RALYL: variants seen among roughly 807,000 people sequenced by gnomAD.
RALYL encodes the protein RALY RNA binding protein like, also known as RNA-binding Raly-like protein.
A neutral mutation model predicts 35.1 loss-of-function variants in RALYL; 29 were observed. The observed-to-expected ratio is 0.83, with a 90% CI of 0.61 to 1.13. The LOEUF (loss-of-function observed/expected upper bound fraction) is 1.13, where lower values mean the gene tolerates loss of function less well. RALYL is among the 50% of genes most tolerant of loss of function. The probability of loss-of-function intolerance (pLI) is 0.00; values close to 1 mark genes in which losing one functional copy is unlikely to be tolerated. For synonymous variants in RALYL, 120 were observed against 127.6 expected (o/e 0.94, Z 0.40); for missense variants, 359 against 360.4 (o/e 1.00, Z 0.03).
chr8:84,703,895 T>C (rs532103881), intron 2 of RALYL, among the ~76,000 whole-genome samples: 1 of 152,280 alleles, frequency 6.6e-6, no homozygotes, highest in African/African-American at 2.4e-5. Context: ...TTAAAATACA[T>C]CATTAGATCT....
intron 1 of RALYL, among the ~76,000 whole-genome samples, chr8:84,525,960 T>C (rs1438100538): frequency 2.3e-4 from 29 of 127,724 alleles, no homozygotes; most frequent in African/African-American, 7.4e-4. Flanking sequence ...TTTCTTTTTT[T>C]TTTTTTTTTT....
At chr8:84,920,109 T>C (rs1563870079) in intron 8 of RALYL, among the ~76,000 whole-genome samples, 1 of 152,114 alleles carries the variant, frequency 6.6e-6, no homozygotes, top group African/African-American at 2.4e-5. Flanking sequence ...TCCCATCTGA[T>C]ACCTTGATTT....
intron 2 of RALYL, among the ~76,000 whole-genome samples, chr8:84,578,701 G>T (rs1351178271): frequency 6.6e-6 from 1 of 152,076 alleles, no homozygotes; most frequent in East Asian, 1.9e-4. Flanking sequence ...AGCTCTCAGT[G>T]GAGAGATGAA....
At chr8:84,257,392 T>G (rs1324684683) in intron 1 of RALYL, among the ~76,000 whole-genome samples, 1 of 152,108 alleles carries the variant, frequency 6.6e-6, no homozygotes, top group Non-Finnish European at 1.5e-5. Flanking sequence ...TTTGACTACT[T>G]AAATTCCAGT....
At chr8:84,393,022 A>T (rs1861049223) in intron 1 of RALYL, among the ~76,000 whole-genome samples, 1 of 152,100 alleles carries the variant, frequency 6.6e-6, no homozygotes, top group South Asian at 2.1e-4. Context: ...GTCTTTGCCT[A>T]AAGGAAGTGT....
intron 7 of RALYL, among the ~76,000 whole-genome samples, chr8:84,879,108 G>A (rs1429280819): frequency 1.3e-5 from 2 of 152,082 alleles, no homozygotes; most frequent in Non-Finnish European, 2.9e-5. Context: ...GAATTCTCAA[G>A]ATAGAGGTAA....
chr8:84,405,307 A>C (rs893823509), intron 1 of RALYL, among the ~76,000 whole-genome samples: 1 of 152,216 alleles, frequency 6.6e-6, no homozygotes, highest in Non-Finnish European at 1.5e-5. Flanking sequence ...GAACTAGAGA[A>C]GCAAGAGTAA....
intron 1 of RALYL, among the ~76,000 whole-genome samples, chr8:84,314,881 G>A (rs1843451057): frequency 6.6e-6 from 1 of 152,148 alleles, no homozygotes; most frequent in East Asian, 1.9e-4. Context: ...AGAAAAATAG[G>A]CTGGAGATCT....
intron 1 of RALYL, among the ~76,000 whole-genome samples, chr8:84,222,508 T>G (rs182744284): frequency 6.6e-6 from 1 of 152,280 alleles, no homozygotes; most frequent in Non-Finnish European, 1.5e-5. Flanking sequence ...GATCACAGAC[T>G]TCTAGGAGGG....
chr8:84,447,042 T>C (rs769133837), intron 1 of RALYL, among the ~76,000 whole-genome samples: 9 of 152,008 alleles, frequency 5.9e-5, no homozygotes, highest in Non-Finnish European at 1.3e-4. Context: ...AGTTCAGGAG[T>C]TCCCCTTTCC....
intron 2 of RALYL, among the ~76,000 whole-genome samples, chr8:84,571,866 T>C (rs1808080750): frequency 6.6e-6 from 1 of 151,892 alleles, no homozygotes; most frequent in Admixed American, 6.6e-5. Context: ...TTTCTTTATT[T>C]ACCCAAAAGC....
chr8:84,552,077 A>G (rs1229867493), intron 2 of RALYL, among the ~76,000 whole-genome samples: 1 of 151,714 alleles, frequency 6.6e-6, no homozygotes, highest in Non-Finnish European at 1.5e-5. Context: ...GTGATGAATA[A>G]AGTGGATCGA....
intron 1 of RALYL, among the ~76,000 whole-genome samples, chr8:84,500,797 G>A (rs947810633): frequency 6.6e-6 from 1 of 152,212 alleles, no homozygotes; most frequent in Admixed American, 6.5e-5. Flanking sequence ...CTGGGAGCTA[G>A]GTTTGCATGT....
At chr8:84,578,393 T>C (rs1810005549) in intron 2 of RALYL, among the ~76,000 whole-genome samples, 1 of 152,230 alleles carries the variant, frequency 6.6e-6, no homozygotes, top group Non-Finnish European at 1.5e-5. Flanking sequence ...CCCAAAGGGC[T>C]GCAGCTCTTC....
chr8:84,439,579 G>A (rs867848895), intron 1 of RALYL, among the ~76,000 whole-genome samples: 2 of 151,950 alleles, frequency 1.3e-5, no homozygotes, highest in African/African-American at 4.8e-5. Flanking sequence ...TGCATCATCT[G>A]TCATTTTGTT....
intron 2 of RALYL, among the ~76,000 whole-genome samples, chr8:84,530,722 T>C (rs1346607673): frequency 6.6e-6 from 1 of 152,138 alleles, no homozygotes; most frequent in Non-Finnish European, 1.5e-5. Flanking sequence ...TTAACCTGCT[T>C]TTAAACCTCT....
chr8:84,787,193 T>C lies in RALYL; in HGVS notation c.332+12539T>C, dbSNP rs557811275. On this transcript the variant is annotated intron_variant, in intron 3 of 8. Transcript: ENST00000521268. ...CCCCCAAACAGACCCCGGCGTGTGA[T>C]GTTCCCCTCTCTGTGTCCATGTGTT... is the stretch of plus-strand genomic sequence containing the variant. Among the ~76,000 whole-genome samples, 546 of 149,596 alleles carry C rather than the reference T, an allele frequency of 3.6e-3. 6 individuals carry two copies. Among genetic ancestry groups the C allele is most frequent in the African/African-American group, 0.013 (512 of 40,414 alleles).
At chr8:84,387,536 A>G (rs1168047490) in intron 1 of RALYL, among the ~76,000 whole-genome samples, 2 of 151,896 alleles carry the variant, frequency 1.3e-5, no homozygotes, top group African/African-American at 4.8e-5. Flanking sequence ...TCTGCATTGC[A>G]GAGTTTGTTG....
intron 2 of RALYL, among the ~76,000 whole-genome samples, chr8:84,623,592 T>C (rs993129427): frequency 8.5e-4 from 129 of 152,136 alleles, no homozygotes; most frequent in African/African-American, 2.7e-3. Flanking sequence ...AAGTTGTCAA[T>C]TGGGGTGCAT....
Sources: allele counts gnomAD v4.1 joint callset (sites outside exome capture counted in the v4.1 genomes callset), GRCh38; gene constraint gnomAD v4.1.1; transcripts MANE v1.5; gene names NCBI Gene and HGNC (gene_info 2026-07-23, HGNC 2026-07-21).